Variants in USH1C observed in about 807,000 individuals in gnomAD.
USH1C encodes USH1 protein network component harmonin.
Under a neutral mutation model 119.3 loss-of-function variants are expected in USH1C, and 90 were observed. The ratio of observed to expected loss-of-function variants is 0.75; its 90% confidence interval spans 0.64 to 0.90. USH1C has a LOEUF of 0.90. Among genes scored for constraint, USH1C ranks in the 40% least tolerant of loss-of-function variants. USH1C has a pLI of 0.00. For synonymous variants in USH1C, 465 were observed against 443.3 expected (o/e 1.05, Z -0.62); for missense variants, 1,165 against 1,167.7 (o/e 1.00, Z 0.03).
intron 1 of USH1C, among the ~76,000 whole-genome samples, chr11:17,535,937 C>G (rs750882280): frequency 1.3e-5 from 2 of 152,166 alleles, no homozygotes; most frequent in Non-Finnish European, 2.9e-5. Context: ...CCACGATGAC[C>G]ATTGATTGTG....
At chr11:17,501,399 T>G in intron 22 of USH1C, 83 bp downstream of exon 22, 98 of 1,492,526 alleles carry the variant, frequency 6.6e-5, no homozygotes, top group Non-Finnish European at 8.1e-5. Context: ...GGAGTGACCT[T>G]GAGAGTAGAG....
chr11:17,532,809 G>T (rs1592026683), intron 2 of USH1C, among the ~76,000 whole-genome samples: 1 of 152,338 alleles, frequency 6.6e-6, no homozygotes, highest in South Asian at 2.1e-4. Flanking sequence ...GAAAGAAATT[G>T]GATCTAATTC....
At position 17,510,484 on chromosome 11, in the gene USH1C, T is replaced by C. The variant is rs1849840312; in HGVS notation, c.1451A>G (p.Glu484Gly). The change falls in exon 17 of 27, where the codon GAA becomes GGA. Residue 484 changes from glutamate to glycine, a missense_variant. Physicochemically the swap from Glu to Gly is moderately conservative, Grantham distance 98. Coordinates refer to ENST00000005226, the MANE Select transcript of USH1C (RefSeq NM_153676.4). ...ETEREDLEESEKIQYWVERLC... is the reference protein window; with the variant it reads ...ETEREDLEESGKIQYWVERLC... ...CCTCTCCACCCAATATTGAATCTTTTCCGATTCTTCAAGGTCTTCCCGCTC... is the reference window on the plus strand; with the variant it reads ...CCTCTCCACCCAATATTGAATCTTTCCCGATTCTTCAAGGTCTTCCCGCTC... 6.2e-7 allele frequency: 1 copy of C among 1,613,826 alleles called. No homozygotes were observed. The highest frequency in any genetic ancestry group is 8.5e-7 in the Non-Finnish European group (1 of 1,180,000).
At chr11:17,518,263 AAAAC>A (rs1850247091) in intron 14 of USH1C, among the ~76,000 whole-genome samples, 1 of 152,248 alleles carries the variant, frequency 6.6e-6, no homozygotes, top group South Asian at 2.1e-4. Context: ...ACTACTTAAT[AAAAC>A]AATGGAACAC....
Position 17,512,156 on chromosome 11 carries a change from T to C in USH1C, c.1261-102A>G, listed in dbSNP as rs1382827890. On this transcript the variant is annotated intron_variant, in intron 15 of 26. Coordinates refer to ENST00000005226, the MANE Select transcript of USH1C (RefSeq NM_153676.4). ...CTCACATAACACAACCATCCCATGG[T>C]GAGCCCCTCCCCCAGCTCTCTCACC... is the stretch of plus-strand genomic sequence containing the variant. 9.0e-6 allele frequency: 12 copies of C among 1,337,480 alleles called. No homozygotes were observed. In the East Asian group the frequency reaches 2.5e-4, roughly 28 times the overall value. The allele number at this position is 1,337,480 out of a possible 1,614,324, so 82.9% of individuals were successfully genotyped here. A position where few individuals can be genotyped will look rare whatever the true frequency, so the allele number is the denominator to read the frequency against.
intron 12 of USH1C, 55 bp from the exon 13 acceptor site, chr11:17,521,466 T>A (rs1359358044): frequency 8.4e-6 from 13 of 1,556,328 alleles, no homozygotes; most frequent in Non-Finnish European, 8.9e-6. Flanking sequence ...AAATGAACTC[T>A]TCCTTACTGT....
intron 26 of USH1C, 39 bp from the exon 27 acceptor site, chr11:17,494,415 T>C (rs1281324535): frequency 6.3e-6 from 10 of 1,575,086 alleles, no homozygotes; most frequent in Non-Finnish European, 8.6e-6. Flanking sequence ...GATACAGGCT[T>C]TGTGGGTGCA....
Position 17,510,400 on chromosome 11 carries a change from G to A in USH1C, c.1530+5C>T, listed in dbSNP as rs755549429. 6.2e-7 allele frequency: 1 copy of A among 1,609,220 alleles called. No individual in the cohort carries two copies. Among genetic ancestry groups the A allele is most frequent in the East Asian group, 2.2e-5 (1 of 44,840 alleles). The stretch of plus-strand genomic sequence containing the variant: ...GGGTCTATGTGGAAAGAAGGGCTCT[G>A]TTACCTCTGAAATCTCATTATCAGC... On this transcript the variant is annotated splice_donor_5th_base_variant and intron_variant, in intron 17 of 26. Transcript: ENST00000005226.
intron 2 of USH1C, among the ~76,000 whole-genome samples, chr11:17,532,285 CA>C (rs1235983800): frequency 2.0e-5 from 3 of 152,146 alleles, no homozygotes. Context: ...TTCCACCTAC[CA>C]AAATCTTTTT....
chr11:17,501,258 T>A, intron 22 of USH1C, 108 bp from the exon 23 acceptor site: 1 of 1,112,644 alleles, frequency 9.0e-7, no homozygotes, highest in Non-Finnish European at 1.3e-6. Context: ...GAAGAAGCCA[T>A]GGGGTCACCG....
At chr11:17,526,630 C>T in intron 7 of USH1C, 123 bp downstream of exon 7, 1 of 1,234,892 alleles carries the variant, frequency 8.1e-7, no homozygotes, top group Admixed American at 2.0e-5. Flanking sequence ...GTGCTGGCTG[C>T]CCTGGGAGCC....
chr11:17,520,816 G>A (rs1591998944), intron 14 of USH1C, 54 bp downstream of exon 14: 5 of 1,609,858 alleles, frequency 3.1e-6, no homozygotes, highest in Admixed American at 3.3e-5. Flanking sequence ...GGGAGGGAGG[G>A]CCAGCATTTC....
chr11:17,509,703 T>TG lies in USH1C; in HGVS notation c.1665dup (p.Lys556GlnfsTer103). 5 of 1,594,518 alleles carry TG rather than the reference T, an allele frequency of 3.1e-6. No individual in the cohort carries two copies. The East Asian group carries it at 6.7e-5, about 21-fold the overall frequency. ...ATCACAGGCAAGGCAGAGGGAGTCT[T>TG]GGGGGGATAGTAGAACATGTCCAAA... On this transcript the variant is annotated frameshift_variant, in exon 18 of 27. Coordinates refer to ENST00000005226, the MANE Select transcript of USH1C (RefSeq NM_153676.4). LOFTEE classifies it high-confidence loss of function.
intron 1 of USH1C, among the ~76,000 whole-genome samples, chr11:17,535,075 G>C (rs1239217365): frequency 6.6e-6 from 1 of 152,168 alleles, no homozygotes; most frequent in Non-Finnish European, 1.5e-5. Flanking sequence ...ACAGGCCTGG[G>C]CTGCCCACAC....
At chr11:17,503,401 G>C (rs1402678652) in intron 20 of USH1C, among the ~76,000 whole-genome samples, 4 of 152,214 alleles carry the variant, frequency 2.6e-5, no homozygotes, top group Non-Finnish European at 4.4e-5. Flanking sequence ...TGTGAATTTA[G>C]ATCAGAGACT....
chr11:17,516,418 G>A (rs564034539), intron 14 of USH1C, 128 bp from the exon 15 acceptor site: 89 of 967,742 alleles, frequency 9.2e-5, no homozygotes, highest in Middle Eastern at 2.1e-4. Context: ...TGGCAGATCC[G>A]ACAGCAAAAC....
chr11:17,517,681 C>T (rs569819883), intron 14 of USH1C, among the ~76,000 whole-genome samples: 1 of 152,296 alleles, frequency 6.6e-6, no homozygotes, highest in Admixed American at 6.5e-5. Context: ...ACCTTGGCAG[C>T]TTTAGTTTTT....
At position 17,495,658 on chromosome 11, in the gene USH1C, C is replaced by A; in HGVS notation, c.2566G>T (p.Val856Leu). The change falls in exon 26 of 27, where the codon GTA (valine) becomes TTA (leucine). Residue 856 changes from valine (V) to leucine (L), a missense_variant. By Grantham distance (32) the Val-to-Leu change is conservative. Transcript: ENST00000005226. ...DDELASLPSS[V>L]AESPQPVRKL... ...CGGACCGGTTGGGGGCTTTCAGCTA[C>A]GGAGGAGGGAAGAGAAGCTCTATAT... is the stretch of plus-strand genomic sequence containing the variant. 1 of 1,614,100 alleles carries A rather than the reference C, an allele frequency of 6.2e-7. No homozygotes were observed. The highest frequency in any genetic ancestry group is 1.1e-5 in the South Asian group (1 of 91,078).
chr11:17,501,897 T>A, intron 21 of USH1C, 42 bp downstream of exon 21: 1 of 1,606,134 alleles, frequency 6.2e-7, no homozygotes, highest in Non-Finnish European at 8.5e-7. Context: ...CACTGCCCTG[T>A]TCCTGGGGTT....
Sources: gnomAD v4.1 joint callset for allele counts (sites outside exome capture counted in the v4.1 genomes callset) on GRCh38, gnomAD v4.1.1 for gene constraint, MANE v1.5 for transcripts, NCBI Gene and HGNC (gene_info 2026-07-23, HGNC 2026-07-21) for gene names.